PALM2AKAP2: variants seen among roughly 807,000 people sequenced by gnomAD.
The protein encoded by PALM2AKAP2 is PALM2 and AKAP2 fusion, also known as PALM2-AKAP2 fusion protein.
Under a neutral mutation model 71.5 loss-of-function variants are expected in PALM2AKAP2, and 37 were observed. The observed-to-expected ratio is 0.52, with a 90% CI of 0.40 to 0.68. The LOEUF (loss-of-function observed/expected upper bound fraction) is 0.68, where lower values mean the gene tolerates loss of function less well. PALM2AKAP2 is among the 30% of genes least tolerant of loss of function. PALM2AKAP2 has a pLI of 0.00. For synonymous variants in PALM2AKAP2, 468 were observed against 478.8 expected, an observed-to-expected ratio of 0.98 and a Z score of 0.29; for missense variants, 1,224 against 1,191.8, an observed-to-expected ratio of 1.03 and a Z score of -0.40.
chr9:110,137,561 G>C, exon 2 of PALM2AKAP2: 1 of 1,614,196 alleles, frequency 6.2e-7, no homozygotes, highest in Non-Finnish European at 8.5e-7. Context: ...GAGCGCCCGG[G>C]CTGTCCTCAC....
chr9:110,092,892 T>A (rs480694), intron 1 of PALM2AKAP2, among the ~76,000 whole-genome samples: 26,411 of 152,062 alleles, frequency 0.17, 3,058 homozygotes, highest in East Asian at 0.37. Flanking sequence ...GAATGGGGTC[T>A]CATGGGCTCT....
In PALM2AKAP2 at chr9:109,666,258, C is replaced by T. The variant is rs561208923; in HGVS notation, c.5+25392C>T. On this transcript the variant is annotated intron_variant, in intron 1 of 6. Coordinates refer to the PALM2AKAP2 transcript ENST00000374531. ...CTCAGTTGGAAATGCAGAAATCACC[C>T]ATCTTCTGCATTGATCATGCTAGGA... Among the ~76,000 whole-genome samples the T allele has an allele frequency of 9.2e-5, 14 of 152,304 alleles. 1 individual carries two copies. In the South Asian group the frequency reaches 2.5e-3, roughly 27 times the overall value.
At chr9:109,942,181 G>T (rs953883479) in intron 6 of PALM2AKAP2, among the ~76,000 whole-genome samples, 2 of 152,336 alleles carry the variant, frequency 1.3e-5, no homozygotes, top group African/African-American at 4.8e-5. Flanking sequence ...ATATTCTGTT[G>T]TATAGTACAG....
chr9:109,796,272 A>T (rs1171170003), intron 1 of PALM2AKAP2, among the ~76,000 whole-genome samples: 1 of 151,550 alleles, frequency 6.6e-6, no homozygotes, highest in African/African-American at 2.5e-5. Flanking sequence ...ATGTGCTTTG[A>T]TTGATTGATG....
chr9:109,767,428 A>G (rs114467707), intron 1 of PALM2AKAP2, among the ~76,000 whole-genome samples: 2,151 of 152,294 alleles, frequency 0.014, 53 homozygotes, highest in African/African-American at 0.045. Context: ...CTGTTGCCCC[A>G]TCTACCCCTA....
intron 1 of PALM2AKAP2, among the ~76,000 whole-genome samples, chr9:110,051,242 T>G (rs528829310): frequency 6.6e-6 from 1 of 152,356 alleles, no homozygotes; most frequent in South Asian, 2.1e-4. Context: ...GTTATTTCAC[T>G]TTCATAAGTG....
intron 6 of PALM2AKAP2, among the ~76,000 whole-genome samples, chr9:109,962,185 C>G (rs777196177): frequency 6.6e-6 from 1 of 152,150 alleles, no homozygotes; most frequent in Non-Finnish European, 1.5e-5. Flanking sequence ...CCTCTTGTAC[C>G]CCAGTTTCTT....
At chr9:110,114,988 C>G (rs10816925) in intron 1 of PALM2AKAP2, among the ~76,000 whole-genome samples, 43,766 of 152,092 alleles carry the variant, frequency 0.29, 6,581 homozygotes, top group African/African-American at 0.37. Flanking sequence ...CCACGACTCC[C>G]CACTGCTCCC....
chr9:109,662,283 A>C (rs555897150), intron 1 of PALM2AKAP2, among the ~76,000 whole-genome samples: 1 of 152,108 alleles, frequency 6.6e-6, no homozygotes, highest in East Asian at 1.9e-4. Flanking sequence ...TGCCCATTCA[A>C]TATGATATTG....
chr9:110,044,633 T>C (rs2132474491), upstream of PALM2AKAP2, among the ~76,000 whole-genome samples: 1 of 151,794 alleles, frequency 6.6e-6, no homozygotes, highest in East Asian at 1.9e-4. Flanking sequence ...ATTACAGGCG[T>C]GCCACCACAC....
chr9:109,935,598 C>A (rs185666070), intron 6 of PALM2AKAP2, among the ~76,000 whole-genome samples: 16 of 152,276 alleles, frequency 1.1e-4, no homozygotes, highest in African/African-American at 3.4e-4. Context: ...CTTGATTAAC[C>A]CATGCTGGCT....
chr9:109,994,789 C>G (rs1832544462), intron 6 of PALM2AKAP2, among the ~76,000 whole-genome samples: 1 of 152,168 alleles, frequency 6.6e-6, no homozygotes, highest in Non-Finnish European at 1.5e-5. Context: ...TCCTCAAGCC[C>G]CCTTGCTCTC....
intron 1 of PALM2AKAP2, among the ~76,000 whole-genome samples, chr9:109,671,309 A>G (rs774307301): frequency 2.0e-5 from 3 of 152,168 alleles, no homozygotes; most frequent in Non-Finnish European, 4.4e-5. Context: ...TCAAGTTTTA[A>G]TCTTCTGCAT....
At chr9:109,944,414 C>G (rs568160728) in intron 6 of PALM2AKAP2, 1 of 152,146 alleles carries the variant, frequency 6.6e-6, no homozygotes, top group African/African-American at 2.4e-5. Flanking sequence ...CATGATGCTC[C>G]CACTTCATCA....
intron 1 of PALM2AKAP2, among the ~76,000 whole-genome samples, chr9:110,096,007 T>G (rs1385456641): frequency 3.3e-5 from 5 of 152,258 alleles, no homozygotes; most frequent in Non-Finnish European, 7.3e-5. Flanking sequence ...TACAAGCGCA[T>G]GCATGTGTCT....
intron 6 of PALM2AKAP2, among the ~76,000 whole-genome samples, chr9:110,013,422 A>G (rs1344906703): frequency 2.0e-5 from 3 of 152,224 alleles, no homozygotes; most frequent in African/African-American, 7.2e-5. Context: ...TCCAACAGGT[A>G]TCAAAAGTGG....
intron 1 of PALM2AKAP2, among the ~76,000 whole-genome samples, chr9:109,810,445 A>G (rs1827699235): frequency 6.6e-6 from 1 of 152,194 alleles, no homozygotes; most frequent in Non-Finnish European, 1.5e-5. Flanking sequence ...GACCATCCTT[A>G]TGAAAAGCTG....
intron 1 of PALM2AKAP2, among the ~76,000 whole-genome samples, chr9:109,704,889 C>G (rs763886110): frequency 1.3e-5 from 2 of 152,206 alleles, no homozygotes; most frequent in African/African-American, 4.8e-5. Context: ...AACCATTCCT[C>G]TCTCCTTAGC....
chr9:110,133,968 T>G (rs897604922), intron 1 of PALM2AKAP2, among the ~76,000 whole-genome samples: 5 of 152,184 alleles, frequency 3.3e-5, no homozygotes, highest in African/African-American at 1.2e-4. Context: ...CAATGTCTCA[T>G]CCAACAAAAA....
Sources: gnomAD v4.1 joint callset for allele counts (sites outside exome capture counted in the v4.1 genomes callset) on GRCh38, gnomAD v4.1.1 for gene constraint, MANE v1.5 for transcripts, NCBI Gene and HGNC (gene_info 2026-07-23, HGNC 2026-07-21) for gene names.